NCOA4: variants seen among roughly 807,000 people sequenced by gnomAD.
NCOA4 encodes the protein 70 kDa AR-activator.
NCOA4 carries 31 observed loss-of-function variants against 69.5 expected under a neutral mutation model. The ratio of observed to expected loss-of-function variants is 0.45; its 90% CI spans 0.34 to 0.60. The LOEUF (loss-of-function observed/expected upper bound fraction) is 0.60. NCOA4 is among the 20% of genes least tolerant of loss of function. The probability of loss-of-function intolerance (pLI) is 0.02; values close to 1 mark genes in which losing one functional copy is unlikely to be tolerated. For synonymous variants in NCOA4, 228 were observed against 252.4 expected, an observed-to-expected ratio of 0.90 and a Z score of 0.92; for missense variants, 600 against 719.2, an observed-to-expected ratio of 0.83 and a Z score of 1.90.
chr10:46,010,093 C>T (rs1839113981), intron 8 of NCOA4, 130 bp downstream of exon 8: 8 of 1,182,774 alleles, frequency 6.8e-6, no homozygotes, highest in Non-Finnish European at 6.9e-6. Flanking sequence ...GCTGGAGCCT[C>T]GGAAGGGGAG....
chr10:46,013,531 A>G lies in NCOA4; in HGVS notation c.570+19T>C. The G allele has an allele frequency of 6.3e-7, 1 of 1,576,078 alleles. No homozygotes were observed. Among genetic ancestry groups the G allele is most frequent in the Non-Finnish European group, 8.7e-7 (1 of 1,149,560 alleles). The stretch of plus-strand genomic sequence containing the variant: ...AGCCAAGTAATGACTCAATTACCAA[A>G]AACAAAATGATATTTTACCTGCTCT... On this transcript the variant is annotated intron_variant, in intron 6 of 9. Transcript: ENST00000581486.
chr10:46,021,820 G>T (rs1342700174), intron 1 of NCOA4, among the ~76,000 whole-genome samples: 1 of 152,128 alleles, frequency 6.6e-6, no homozygotes, highest in African/African-American at 2.4e-5. Flanking sequence ...TTAGCCGGGC[G>T]TGGTGGCGCA....
intron 1 of NCOA4, among the ~76,000 whole-genome samples, chr10:46,024,569 A>C (rs1840060564): frequency 1.3e-5 from 2 of 152,360 alleles, no homozygotes; most frequent in East Asian, 3.9e-4. Flanking sequence ...CTGTTACTAT[A>C]ATGATGTGAT....
intron 1 of NCOA4, among the ~76,000 whole-genome samples, chr10:46,030,191 T>A (rs1184508015): frequency 1.3e-5 from 2 of 151,282 alleles, no homozygotes; most frequent in African/African-American, 4.9e-5. Flanking sequence ...GAGCAGGAGG[T>A]GTCCGAGCCG....
rs1434719615 is a variant in NCOA4, at chr10:46,011,214, A to C, written c.715-8T>G. The C allele has an allele frequency of 6.4e-7, 1 of 1,573,082 alleles. No individual in the cohort carries two copies. Among genetic ancestry groups the C allele is most frequent in the African/African-American group, 1.4e-5 (1 of 72,880 alleles). On this transcript the variant is annotated splice_polypyrimidine_tract_variant and splice_region_variant and intron_variant, in intron 7 of 9. Coordinates refer to ENST00000581486, the MANE Select transcript of NCOA4 (RefSeq NM_001145263.2). ...GCAGGCTCTGGAAGAAGTCTACACA[A>C]AAAGTACACAGTATTAGTTTGCCAG...
intron 1 of NCOA4, chr10:46,022,518 T>G: frequency 4.5e-6 from 2 of 449,096 alleles, no homozygotes; most frequent in Non-Finnish European, 9.0e-6. Context: ...CAGGCTGGAG[T>G]GCAGTGGCGC....
intron 7 of NCOA4, among the ~76,000 whole-genome samples, chr10:46,012,567 C>T (rs1445668035): frequency 6.6e-6 from 1 of 151,952 alleles, no homozygotes; most frequent in Non-Finnish European, 1.5e-5. Flanking sequence ...ACAGGACTTA[C>T]AGAATGGTTC....
Position 46,011,026 on chromosome 10 carries a change from T to A in NCOA4, c.895A>T (p.Met299Leu). 6.2e-7 allele frequency: 1 copy of A among 1,613,962 alleles called. No homozygotes were observed. Among genetic ancestry groups the A allele is most frequent in the Middle Eastern group, 1.7e-4 (1 of 6,056 alleles). ...GDQELPDQDE[M>L]DLSDWLVTPQ... ...GTCACTAGCCAATCTGATAGGTCCATCTCATCTTGATCAGGAAGCTCTTGA... is the reference window on the plus strand; with the variant it reads ...GTCACTAGCCAATCTGATAGGTCCAACTCATCTTGATCAGGAAGCTCTTGA... Residue 299 changes from methionine (M) to leucine (L), a missense_variant, in exon 8 of 10, where the codon ATG (methionine) becomes TTG (leucine). Physicochemically the swap from Met to Leu is conservative, Grantham distance 15 (BLOSUM62 2). Coordinates refer to ENST00000581486, the MANE Select transcript of NCOA4 (RefSeq NM_001145263.2).
Position 46,012,070 on chromosome 10 carries a change from G to GAAAAA in NCOA4, c.714+808_714+812dup, listed in dbSNP as rs71026286. ...AGCAAGACTCGGTCTCAAAAAGAAA[G>GAAAAA]AAAAAAAAAAAAAAAAAAAAAAAAA... On this transcript the variant is annotated intron_variant, in intron 7 of 9. Coordinates refer to ENST00000581486, the MANE Select transcript of NCOA4 (RefSeq NM_001145263.2). Among the ~76,000 whole-genome samples the GAAAAA allele has an allele frequency of 3.5e-3, 154 of 44,534 alleles. 9 individuals are homozygous for GAAAAA. The highest frequency in any genetic ancestry group is 7.7e-3 in the East Asian group (9 of 1,162). 29.2% of individuals were successfully genotyped at this position (44,534 alleles called of 152,430 possible).
intron 1 of NCOA4, among the ~76,000 whole-genome samples, chr10:46,017,494 G>A (rs1414552218): frequency 2.6e-5 from 4 of 152,134 alleles, no homozygotes; most frequent in Non-Finnish European, 4.4e-5. Flanking sequence ...GCAGTGAGCC[G>A]TGATTGCACC....
chr10:46,008,817 C>G lies in NCOA4; in HGVS notation c.1839+594G>C, dbSNP rs141307793. Among the ~76,000 whole-genome samples the G allele has an allele frequency of 7.0e-4, 107 of 152,304 alleles. No homozygotes were observed. In the East Asian group the frequency reaches 0.019, roughly 27 times the overall value. ...TCATTATCTTATTTAAAGAAACTGACAGAGCCATCCCAACCTTCAAGCAGC... is the reference window on the plus strand; with the variant it reads ...TCATTATCTTATTTAAAGAAACTGAGAGAGCCATCCCAACCTTCAAGCAGC... On this transcript the variant is annotated intron_variant, in intron 9 of 9. Coordinates refer to ENST00000581486, the MANE Select transcript of NCOA4 (RefSeq NM_001145263.2).
chr10:46,029,034 TAA>T (rs1241509592), intron 1 of NCOA4, among the ~76,000 whole-genome samples: 11 of 90,704 alleles, frequency 1.2e-4, no homozygotes, highest in Admixed American at 2.4e-4. Flanking sequence ...ACTGATTTAA[TAA>T]AAAAAAAAAA....
intron 1 of NCOA4, chr10:46,027,444 A>T: frequency 6.4e-7 from 1 of 1,551,022 alleles, no homozygotes; most frequent in South Asian, 1.2e-5. Context: ...GCTAGAGCAA[A>T]AGTGGTCAAC....
Position 46,009,565 on chromosome 10 carries a change from A to G in NCOA4, c.1699-14T>C, listed in dbSNP as rs782554566. 4 of 1,601,948 alleles carry G rather than the reference A, an allele frequency of 2.5e-6. No individual in the cohort carries two copies. In the African/African-American group the frequency reaches 4.0e-5, roughly 16 times the overall value. The stretch of plus-strand genomic sequence containing the variant: ...AAGTAATACTTCCTGCAATAAAAGA[A>G]AAGAGTAGGTTGCTTCATGAAAACA... On this transcript the variant is annotated splice_polypyrimidine_tract_variant and intron_variant, in intron 8 of 9. Transcript: ENST00000581486.
At chr10:46,017,484 G>C (rs1434228345) in intron 1 of NCOA4, among the ~76,000 whole-genome samples, 2 of 152,188 alleles carry the variant, frequency 1.3e-5, no homozygotes. Context: ...GTTCGCAGCT[G>C]CAGTGAGCCG....
At chr10:46,008,999 G>A in intron 9 of NCOA4, 1 of 603,580 alleles carries the variant, frequency 1.7e-6, no homozygotes. Flanking sequence ...AAGACATAAT[G>A]TTATTGCAGA....
chr10:46,005,901 T>G lies in NCOA4; in HGVS notation c.*691A>C, dbSNP rs1352744767. The stretch of plus-strand genomic sequence containing the variant: ...AATTACCTCAAAAATAGTCTTGAAA[T>G]AATACTGAGTCCTTCTAAAGAGCTC... On this transcript the variant is annotated 3_prime_UTR_variant, in exon 10 of 10. Transcript: ENST00000581486. The G allele has an allele frequency of 9.6e-6, 2 of 207,994 alleles. No individual in the cohort carries two copies. Among genetic ancestry groups the G allele is most frequent in the Non-Finnish European group, 2.0e-5 (2 of 102,180 alleles). 12.9% of individuals were successfully genotyped at this position (207,994 alleles called of 1,614,324 possible).
At chr10:46,017,828 G>A (rs782408711) in intron 1 of NCOA4, among the ~76,000 whole-genome samples, 30 of 152,124 alleles carry the variant, frequency 2.0e-4, no homozygotes, top group Non-Finnish European at 3.8e-4. Flanking sequence ...AAGCCATAAC[G>A]TAAAACTTGA....
At chr10:46,008,388 A>C (rs1298949895) in intron 9 of NCOA4, among the ~76,000 whole-genome samples, 6 of 152,214 alleles carry the variant, frequency 3.9e-5, no homozygotes, top group Admixed American at 3.9e-4. Context: ...GTTTGGAAGA[A>C]ACGGATTCCC....
Sources: allele counts gnomAD v4.1 joint callset (sites outside exome capture counted in the v4.1 genomes callset), GRCh38; gene constraint gnomAD v4.1.1; transcripts MANE v1.5; gene names NCBI Gene and HGNC (gene_info 2026-07-23, HGNC 2026-07-21).